Variants in CA8 observed in about 807,000 individuals in gnomAD.
The protein encoded by CA8 is carbonic anhydrase 8 (inactive), also known as carbonic anhydrase-related protein.
Under a neutral mutation model 41.4 loss-of-function variants are expected in CA8, and 22 were observed. The ratio of observed to expected loss-of-function variants is 0.53; its 90% CI spans 0.38 to 0.76. The LOEUF is 0.76. CA8 is among the 30% of genes least tolerant of loss of function. CA8 has a pLI of 0.00. For missense variants in CA8, 270 were observed against 352.8 expected, an observed-to-expected ratio of 0.77 and a Z score of 1.88; for synonymous variants, 121 against 130.6, an observed-to-expected ratio of 0.93 and a Z score of 0.50.
chr8:60,273,747 C>T (rs1459914997), intron 2 of CA8, among the ~76,000 whole-genome samples: 1 of 152,188 alleles, frequency 6.6e-6, no homozygotes, highest in Non-Finnish European at 1.5e-5. Flanking sequence ...GAGTTAAAGT[C>T]CTGTAAGAAT....
intron 1 of CA8, 93 bp from the exon 2 acceptor site, chr8:60,279,973 A>ATCATTACTTTCT: frequency 1.0e-6 from 1 of 1,001,806 alleles, no homozygotes; most frequent in Non-Finnish European, 1.5e-6. Context: ...AACCCTTGAT[A>ATCATTACTTTCT]TCATGAAGAG....
intron 3 of CA8, among the ~76,000 whole-genome samples, chr8:60,236,970 G>C (rs1807851471): frequency 6.6e-6 from 1 of 152,168 alleles, no homozygotes; most frequent in Non-Finnish European, 1.5e-5. Context: ...CAAGTAGACA[G>C]CTATTATCAG....
chr8:60,270,388 T>C (rs1263964268), intron 2 of CA8, among the ~76,000 whole-genome samples: 1 of 152,154 alleles, frequency 6.6e-6, no homozygotes, highest in African/African-American at 2.4e-5. Flanking sequence ...TTCATTCTTA[T>C]TTTATTTACT....
At chr8:60,231,560 G>A (rs1182603169) in intron 4 of CA8, among the ~76,000 whole-genome samples, 3 of 152,274 alleles carry the variant, frequency 2.0e-5, no homozygotes, top group East Asian at 1.9e-4. Flanking sequence ...CCAGAGCCAC[G>A]CAGAGCTGCA....
At chr8:60,279,963 AAC>A (rs1378871545) in intron 1 of CA8, 83 bp from the exon 2 acceptor site, 1 of 1,096,212 alleles carries the variant, frequency 9.1e-7, no homozygotes, top group Admixed American at 2.2e-5. Context: ...AAACACTTAG[AAC>A]CCTTGATATC....
intron 8 of CA8, among the ~76,000 whole-genome samples, chr8:60,199,520 C>CA (rs2130392842): frequency 6.6e-6 from 1 of 152,224 alleles, no homozygotes; most frequent in Admixed American, 6.5e-5. Context: ...AGTAAGAACT[C>CA]AGAGATTCTG....
At chr8:60,215,621 T>C (rs1262926849) in intron 7 of CA8, among the ~76,000 whole-genome samples, 1 of 152,118 alleles carries the variant, frequency 6.6e-6, no homozygotes, top group Non-Finnish European at 1.5e-5. Context: ...AAAAGAAATA[T>C]ATACTCATTC....
At chr8:60,226,241 C>T (rs1807433964) in intron 5 of CA8, among the ~76,000 whole-genome samples, 1 of 152,138 alleles carries the variant, frequency 6.6e-6, no homozygotes, top group Non-Finnish European at 1.5e-5. Flanking sequence ...CATATAAAGG[C>T]CTGTCTTCAG....
intron 3 of CA8, among the ~76,000 whole-genome samples, chr8:60,235,805 T>A (rs1220043648): frequency 6.6e-6 from 1 of 152,196 alleles, no homozygotes; most frequent in East Asian, 1.9e-4. Flanking sequence ...CATAGCTGTA[T>A]TCTAGAAAAC....
At chr8:60,251,523 T>A (rs1563370327) in intron 3 of CA8, among the ~76,000 whole-genome samples, 1 of 152,216 alleles carries the variant, frequency 6.6e-6, no homozygotes, top group African/African-American at 2.4e-5. Flanking sequence ...GACACTGCCA[T>A]GTCATTTAAC....
Position 60,279,682 on chromosome 8 carries a change from A to G in CA8, c.292+7T>C, listed in dbSNP as rs1804346016. On this transcript the variant is annotated splice_region_variant and intron_variant, in intron 2 of 8. Transcript: ENST00000317995. ...AAAAGACCACACAAACATATTTTCT[A>G]AAATACCTGATTTTGACTTCAGGAT... 1 of 1,612,422 alleles carries G rather than the reference A, an allele frequency of 6.2e-7. No homozygotes were observed. Among genetic ancestry groups the G allele is most frequent in the African/African-American group, 1.3e-5 (1 of 74,896 alleles).
intron 2 of CA8, among the ~76,000 whole-genome samples, chr8:60,270,269 A>C (rs1176700851): frequency 6.6e-6 from 1 of 152,220 alleles, no homozygotes; most frequent in Non-Finnish European, 1.5e-5. Flanking sequence ...TATCATGCCC[A>C]GTTACAGATG....
intron 3 of CA8, among the ~76,000 whole-genome samples, chr8:60,259,785 A>G (rs975582936): frequency 6.7e-6 from 1 of 150,174 alleles, no homozygotes; most frequent in Admixed American, 6.7e-5. Flanking sequence ...TTCTGCAATC[A>G]TGACTTCTGG....
At position 60,259,937 on chromosome 8, in the gene CA8, G is replaced by C. The variant is rs554561913; in HGVS notation, c.417+5988C>G. On this transcript the variant is annotated intron_variant, in intron 3 of 8. Transcript: ENST00000317995. ...TAGAGACAAGTTGTTCCTTTTTTCT[G>C]GTCAAAATAATGAGACTTTCCAGAA... Among the ~76,000 whole-genome samples, 8 of 151,808 alleles carry C rather than the reference G, an allele frequency of 5.3e-5. 1 individual carries two copies. The South Asian group carries it at 1.7e-3, about 32-fold the overall frequency.
chr8:60,278,580 A>C (rs1299869071), intron 2 of CA8, among the ~76,000 whole-genome samples: 1 of 152,180 alleles, frequency 6.6e-6, no homozygotes, highest in Non-Finnish European at 1.5e-5. Context: ...CCCCCAAAAA[A>C]ATTCAAGTCG....
At chr8:60,279,991 A>C in intron 1 of CA8, 111 bp from the exon 2 acceptor site, 1 of 787,144 alleles carries the variant, frequency 1.3e-6, no homozygotes, top group Non-Finnish European at 2.0e-6. Flanking sequence ...GAGAGTAATG[A>C]TACCATCACT....
At chr8:60,261,145 A>T (rs1478019710) in intron 3 of CA8, among the ~76,000 whole-genome samples, 1 of 152,146 alleles carries the variant, frequency 6.6e-6, no homozygotes, top group Non-Finnish European at 1.5e-5. Context: ...TAGTTTAAGG[A>T]TTAGCAATAT....
chr8:60,198,132 C>T (rs191525830), intron 8 of CA8, among the ~76,000 whole-genome samples: 3 of 152,250 alleles, frequency 2.0e-5, no homozygotes, highest in East Asian at 3.9e-4. Context: ...GTGAAAAGAG[C>T]TCAGCATTGG....
chr8:60,208,028 CTATGCA>C (rs1445258547), intron 8 of CA8: 8 of 152,236 alleles, frequency 5.3e-5, no homozygotes, highest in Non-Finnish European at 1.0e-4. Flanking sequence ...GTACAATGAC[CTATGCA>C]CTTAGGAAAT....
Sources: gnomAD v4.1 joint callset for allele counts (sites outside exome capture counted in the v4.1 genomes callset) on GRCh38, gnomAD v4.1.1 for gene constraint, MANE v1.5 for transcripts, NCBI Gene and HGNC (gene_info 2026-07-23, HGNC 2026-07-21) for gene names.